UNC5C: variants seen among roughly 807,000 people sequenced by gnomAD.
UNC5C encodes the protein netrin receptor UNC5C.
UNC5C carries 47 observed loss-of-function variants against 99.8 expected under a neutral mutation model. The observed-to-expected ratio is 0.47, with a 90% CI of 0.37 to 0.60. The LOEUF (loss-of-function observed/expected upper bound fraction) is 0.60. Among genes scored for constraint, UNC5C ranks in the 20% least tolerant of loss-of-function variants. The pLI, the probability that UNC5C is intolerant of heterozygous loss-of-function variation, is 0.00. For missense variants in UNC5C, 1,062 were observed against 1,165.9 expected, an observed-to-expected ratio of 0.91 and a Z score of 1.30; for synonymous variants, 487 against 452.2, an observed-to-expected ratio of 1.08 and a Z score of -0.98.
intron 1 of UNC5C, among the ~76,000 whole-genome samples, chr4:95,401,892 G>A (rs1486724564): frequency 1.3e-5 from 2 of 152,160 alleles, no homozygotes; most frequent in East Asian, 3.9e-4. Context: ...GAAAGCTCAA[G>A]AGATATTACA....
intron 3 of UNC5C, 116 bp downstream of exon 3, chr4:95,301,490 T>C (rs941486139): frequency 1.1e-5 from 16 of 1,461,914 alleles, no homozygotes; most frequent in East Asian, 9.2e-5. Flanking sequence ...TCACCGCGCC[T>C]GGCCTTTCCA....
At chr4:95,413,458 A>C (rs1746061260) in intron 1 of UNC5C, among the ~76,000 whole-genome samples, 1 of 152,288 alleles carries the variant, frequency 6.6e-6, no homozygotes, top group South Asian at 2.1e-4. Flanking sequence ...CCATTCATCA[A>C]GCTCATCATC....
chr4:95,188,925 T>G (rs1395271907), intron 12 of UNC5C, among the ~76,000 whole-genome samples: 1 of 152,184 alleles, frequency 6.6e-6, no homozygotes, highest in Non-Finnish European at 1.5e-5. Context: ...CACAACACAG[T>G]GTGCTCAGGT....
intron 1 of UNC5C, among the ~76,000 whole-genome samples, chr4:95,418,398 G>T (rs976196828): frequency 6.6e-6 from 1 of 152,160 alleles, no homozygotes; most frequent in Non-Finnish European, 1.5e-5. Flanking sequence ...ACCAGGAGAA[G>T]TGTTACATTA....
At chr4:95,271,729 A>G (rs935705789) in intron 4 of UNC5C, among the ~76,000 whole-genome samples, 1 of 152,244 alleles carries the variant, frequency 6.6e-6, no homozygotes, top group East Asian at 1.9e-4. Context: ...TGCAGCAACC[A>G]GAATGATCTT....
intron 8 of UNC5C, 108 bp downstream of exon 8, chr4:95,219,877 G>A (rs897256181): frequency 1.9e-5 from 23 of 1,211,176 alleles, no homozygotes; most frequent in African/African-American, 4.6e-5. Flanking sequence ...TCAAATTGCT[G>A]TCTTCATGGA....
At chr4:95,340,893 A>G (rs1743544914) in intron 1 of UNC5C, among the ~76,000 whole-genome samples, 1 of 152,112 alleles carries the variant, frequency 6.6e-6, no homozygotes, top group African/African-American at 2.4e-5. Context: ...CTTAGAAGAC[A>G]TTTTCACACA....
At chr4:95,509,650 A>G (rs1241346879) in intron 1 of UNC5C, among the ~76,000 whole-genome samples, 5 of 151,860 alleles carry the variant, frequency 3.3e-5, no homozygotes, top group Non-Finnish European at 7.4e-5. Flanking sequence ...ATTACTAGAT[A>G]ATTAGTGAAT....
chr4:95,188,714 A>G (rs972299388), intron 12 of UNC5C, among the ~76,000 whole-genome samples: 3 of 152,348 alleles, frequency 2.0e-5, no homozygotes, highest in African/African-American at 4.8e-5. Flanking sequence ...ATACAACTCA[A>G]TAAGACATGG....
rs372747612 is a variant in UNC5C at position 95,349,124 on chromosome 4, A to G, written c.125-13493T>C. On this transcript the variant is annotated intron_variant, in intron 1 of 15. Transcript: ENST00000453304. ...ATTTCAACATAACCAAAAGAGTATA[A>G]TTGGATTGCTTGTAACACAAATAGA... Among the ~76,000 whole-genome samples the G allele has an allele frequency of 1.5e-4, 23 of 151,604 alleles. No homozygotes were observed. In the South Asian group the frequency reaches 4.2e-3, roughly 28 times the overall value.
At chr4:95,349,646 A>C (rs1443388531) in intron 1 of UNC5C, among the ~76,000 whole-genome samples, 1 of 151,888 alleles carries the variant, frequency 6.6e-6, no homozygotes, top group Non-Finnish European at 1.5e-5. Context: ...TAGAATAACC[A>C]CAAGTCTCTT....
chr4:95,256,351 A>G (rs1739980955), intron 4 of UNC5C, among the ~76,000 whole-genome samples: 1 of 151,960 alleles, frequency 6.6e-6, no homozygotes, highest in Non-Finnish European at 1.5e-5. Context: ...TGCTCCTCTC[A>G]CAGTCTTATG....
intron 3 of UNC5C, among the ~76,000 whole-genome samples, chr4:95,294,597 C>T (rs1741606468): frequency 6.6e-6 from 1 of 152,146 alleles, no homozygotes; most frequent in Non-Finnish European, 1.5e-5. Flanking sequence ...CTTCCATCCT[C>T]AGGCATGGGC....
intron 12 of UNC5C, among the ~76,000 whole-genome samples, chr4:95,197,919 G>A (rs974624893): frequency 6.6e-6 from 1 of 151,764 alleles, no homozygotes; most frequent in African/African-American, 2.4e-5. Flanking sequence ...CTGCCCATAC[G>A]GGTAAGACCA....
intron 4 of UNC5C, among the ~76,000 whole-genome samples, chr4:95,252,256 AAT>A (rs1739773765): frequency 6.6e-6 from 1 of 152,214 alleles, no homozygotes; most frequent in African/African-American, 2.4e-5. Context: ...AGTTGAAATT[AAT>A]AGTTTTTGAG....
At chr4:95,392,941 A>T (rs189528992) in intron 1 of UNC5C, among the ~76,000 whole-genome samples, 1 of 152,344 alleles carries the variant, frequency 6.6e-6, no homozygotes, top group African/African-American at 2.4e-5. Context: ...AGTCTCCCAT[A>T]AGACTATAAA....
intron 12 of UNC5C, among the ~76,000 whole-genome samples, chr4:95,198,500 G>A (rs1044946384): frequency 1.3e-5 from 2 of 152,152 alleles, no homozygotes; most frequent in Non-Finnish European, 2.9e-5. Context: ...ATAAGTTTGG[G>A]CAGAGAGACT....
At chr4:95,267,948 G>GTTTTTTTTTTTTTTTTTTTT (rs1740507303) in intron 4 of UNC5C, among the ~76,000 whole-genome samples, 2 of 83,916 alleles carry the variant, frequency 2.4e-5, no homozygotes, top group African/African-American at 1.1e-4. Flanking sequence ...TGAATTTTGT[G>GTTTTTTTTTTTTTTTTTTTT]ATTTTTTTTT....
chr4:95,197,834 G>A (rs868115938), intron 12 of UNC5C, among the ~76,000 whole-genome samples: 7 of 152,148 alleles, frequency 4.6e-5, no homozygotes, highest in Middle Eastern at 6.8e-3. Context: ...TCAGTGGAGG[G>A]TATCCTTGGT....
Sources: allele counts gnomAD v4.1 joint callset (sites outside exome capture counted in the v4.1 genomes callset), GRCh38; gene constraint gnomAD v4.1.1; transcripts MANE v1.5; gene names NCBI Gene and HGNC (gene_info 2026-07-23, HGNC 2026-07-21).